The following TRDN variants were observed in gnomAD, a reference collection of about 807,000 sequenced individuals.
TRDN encodes the protein triadin.
In TRDN, 161 loss-of-function variants were observed where a neutral mutation model predicts 149.7. The ratio of observed to expected loss-of-function variants is 1.08; its 90% confidence interval spans 0.95 to 1.23. The LOEUF (loss-of-function observed/expected upper bound fraction) is 1.23. Among genes scored for constraint, TRDN ranks in the 50% most tolerant of loss-of-function variants. The pLI, the probability that TRDN is intolerant of heterozygous loss-of-function variation, is 0.00. For missense variants in TRDN, 896 were observed against 823.5 expected, an observed-to-expected ratio of 1.09 and a Z score of -1.08; for synonymous variants, 294 against 250.5, an observed-to-expected ratio of 1.17 and a Z score of -1.64.
rs1289511193 is a variant in TRDN, at chr6:123,395,097, C to T, written c.1052-1420G>A. On this transcript the variant is annotated intron_variant, in intron 12 of 40. Coordinates refer to ENST00000334268, the MANE Select transcript of TRDN (RefSeq NM_006073.4). ...GATCTCAAAATATTAGAAAATTATA[C>T]TGCAATTTGTAATTAAATTTTAAAG... Among the ~76,000 whole-genome samples the T allele has an allele frequency of 2.0e-5, 3 of 152,176 alleles. No homozygotes were observed. The South Asian group carries it at 6.2e-4, about 32-fold the overall frequency.
chr6:123,535,035 T>A (rs1780454401), intron 4 of TRDN, among the ~76,000 whole-genome samples: 2 of 152,162 alleles, frequency 1.3e-5, no homozygotes. Context: ...TTGTAACCGG[T>A]AAATCTTAAA....
At chr6:123,438,451 T>G (rs1774703680) in intron 11 of TRDN, among the ~76,000 whole-genome samples, 1 of 152,170 alleles carries the variant, frequency 6.6e-6, no homozygotes, top group African/African-American at 2.4e-5. Context: ...GAATGTTCTC[T>G]GAGCTATGAG....
chr6:123,381,206 T>C (rs1781706955), intron 16 of TRDN, among the ~76,000 whole-genome samples, 164 bp downstream of exon 16: 1 of 152,078 alleles, frequency 6.6e-6, no homozygotes, highest in Non-Finnish European at 1.5e-5. Context: ...CAGTCCACTC[T>C]AACCCCCAGA....
intron 24 of TRDN, among the ~76,000 whole-genome samples, chr6:123,315,577 T>A (rs1778992976): frequency 1.3e-5 from 2 of 151,890 alleles, no homozygotes; most frequent in Admixed American, 1.3e-4. Context: ...TATGCAAAAA[T>A]TTTTAGACCA....
intron 38 of TRDN, among the ~76,000 whole-genome samples, chr6:123,227,250 C>A (rs1209772747): frequency 6.6e-6 from 1 of 151,744 alleles, no homozygotes; most frequent in African/African-American, 2.4e-5. Context: ...AAGTAGGAGT[C>A]ACTGAAGGAG....
chr6:123,564,398 TCG>T (rs1491335785), intron 2 of TRDN, among the ~76,000 whole-genome samples: 5 of 151,872 alleles, frequency 3.3e-5, no homozygotes, highest in Non-Finnish European at 5.9e-5. Context: ...AATAACATAT[TCG>T]TGTGTGTGTG....
chr6:123,504,226 A>G (rs1778820160), intron 7 of TRDN, among the ~76,000 whole-genome samples: 1 of 152,032 alleles, frequency 6.6e-6, no homozygotes, highest in Non-Finnish European at 1.5e-5. Context: ...AGGCATTTGT[A>G]GCATGCAGGG....
intron 20 of TRDN, among the ~76,000 whole-genome samples, chr6:123,354,983 G>A (rs1780604806): frequency 1.3e-5 from 2 of 151,746 alleles, no homozygotes; most frequent in South Asian, 4.2e-4. Context: ...GTCTTTCTAT[G>A]CAGTAGTATC....
chr6:123,247,601 GAAAC>G lies in TRDN; in HGVS notation c.1975+4807_1975+4810del, dbSNP rs1776230505. Among the ~76,000 whole-genome samples, 12 of 152,186 alleles carry G rather than the reference GAAAC, an allele frequency of 7.9e-5. No homozygotes were observed. The South Asian group carries it at 2.3e-3, about 29-fold the overall frequency. ...ACCATTGCTTAAGAAAATAAGAGAG[GAAAC>G]AAACAAATGGATAAACATTCCATGA... is the stretch of plus-strand genomic sequence containing the variant. On this transcript the variant is annotated intron_variant, in intron 38 of 40. Transcript: ENST00000334268.
intron 12 of TRDN, among the ~76,000 whole-genome samples, chr6:123,401,249 G>A (rs1185912754): frequency 6.6e-6 from 1 of 152,138 alleles, no homozygotes; most frequent in Admixed American, 6.6e-5. Context: ...TTTGTAAAAT[G>A]CAGATTACAT....
intron 20 of TRDN, among the ~76,000 whole-genome samples, chr6:123,355,800 A>G (rs1030149660): frequency 2.0e-5 from 3 of 151,734 alleles, no homozygotes; most frequent in Non-Finnish European, 4.4e-5. Context: ...TAATTTCTCA[A>G]ATATGTTAAA....
Position 123,395,485 on chromosome 6 carries a change from T to G in TRDN, c.1052-1808A>C, listed in dbSNP as rs76400486. 7.2e-3 allele frequency among the ~76,000 whole-genome samples: 1,102 copies of G among 152,194 alleles called. 14 individuals carry two copies. The highest frequency in any genetic ancestry group is 0.025 in the African/African-American group (1,037 of 41,524). On this transcript the variant is annotated intron_variant, in intron 12 of 40. Transcript: ENST00000334268. ...AATGGGGTTTACCTCTTTAATAACCTTAGCCTGTCCTGGGTTGGGCTGTGT... is the reference window on the plus strand; with the variant it reads ...AATGGGGTTTACCTCTTTAATAACCGTAGCCTGTCCTGGGTTGGGCTGTGT...
chr6:123,547,597 G>A (rs1781178950), intron 3 of TRDN, among the ~76,000 whole-genome samples: 1 of 151,822 alleles, frequency 6.6e-6, no homozygotes, highest in Admixed American at 6.6e-5. Context: ...AATTGTGGCA[G>A]TGATCCAAAT....
intron 12 of TRDN, among the ~76,000 whole-genome samples, chr6:123,428,818 T>C (rs1046316580): frequency 6.6e-6 from 1 of 152,174 alleles, no homozygotes. Context: ...ATAGTGCTCA[T>C]GGTATAATTT....
intron 24 of TRDN, among the ~76,000 whole-genome samples, chr6:123,289,611 T>C (rs1777927721): frequency 6.6e-6 from 1 of 152,272 alleles, no homozygotes; most frequent in African/African-American, 2.4e-5. Flanking sequence ...ACTGCCCCTT[T>C]CCATGGCAAT....
chr6:123,483,474 G>A (rs975364992), intron 9 of TRDN, among the ~76,000 whole-genome samples: 3 of 151,928 alleles, frequency 2.0e-5, no homozygotes, highest in South Asian at 2.1e-4. Context: ...GAAAAAAATG[G>A]CCAAATAAAT....
At chr6:123,424,172 C>T (rs537754280) in intron 12 of TRDN, among the ~76,000 whole-genome samples, 14 of 152,206 alleles carry the variant, frequency 9.2e-5, no homozygotes, top group Admixed American at 8.5e-4. Flanking sequence ...TGGCCACATT[C>T]GAAGGCACAT....
intron 7 of TRDN, among the ~76,000 whole-genome samples, chr6:123,505,843 G>A (rs1434751675): frequency 1.3e-5 from 2 of 151,984 alleles, no homozygotes; most frequent in Middle Eastern, 3.4e-3. Context: ...GGGATTACAC[G>A]CGCCTATCAC....
chr6:123,532,040 C>T (rs1381224009), intron 4 of TRDN, among the ~76,000 whole-genome samples: 4 of 152,028 alleles, frequency 2.6e-5, no homozygotes, highest in African/African-American at 4.8e-5. Context: ...CTGCTCTAAA[C>T]TTACATGATA....
Sources: gnomAD v4.1 joint callset for allele counts (sites outside exome capture counted in the v4.1 genomes callset) on GRCh38, gnomAD v4.1.1 for gene constraint, MANE v1.5 for transcripts, NCBI Gene and HGNC (gene_info 2026-07-23, HGNC 2026-07-21) for gene names.